Variants in DUS2 observed in about 807,000 individuals in gnomAD.
The protein encoded by DUS2 is dihydrouridine synthase 2, also known as tRNA-dihydrouridine(20) synthase [NAD(P)+]-like.
In DUS2, 52 loss-of-function variants were observed where a neutral mutation model predicts 71.3. That is an observed-to-expected ratio of 0.73 (90% CI 0.58 to 0.92). The LOEUF is 0.92. Among genes scored for constraint, DUS2 ranks in the 40% least tolerant of loss-of-function variants. The pLI, the probability that DUS2 is intolerant of heterozygous loss-of-function variation, is 0.00. For missense variants in DUS2, 558 were observed against 622.6 expected (o/e 0.90, Z 1.10); for synonymous variants, 204 against 227.8 (o/e 0.90, Z 0.94).
chr16:68,047,049 CTTTTTTTT>C (rs1305624703), intron 3 of DUS2, among the ~76,000 whole-genome samples: 1 of 72,168 alleles, frequency 1.4e-5, no homozygotes, highest in Non-Finnish European at 2.5e-5. Flanking sequence ...CATGCCCGGC[CTTTTTTTT>C]TTTTTTTTTT....
chr16:68,051,591 T>A (rs2033779821), intron 4 of DUS2, among the ~76,000 whole-genome samples: 1 of 151,998 alleles, frequency 6.6e-6, no homozygotes, highest in South Asian at 2.1e-4. Context: ...GGGGTCTTGC[T>A]ATGTTCCCCA....
intron 7 of DUS2, among the ~76,000 whole-genome samples, chr16:68,060,749 G>C (rs982431147): frequency 6.6e-6 from 1 of 152,130 alleles, no homozygotes; most frequent in African/African-American, 2.4e-5. Flanking sequence ...TCAGGATGCA[G>C]AGGAAGGAGA....
intron 1 of DUS2, among the ~76,000 whole-genome samples, chr16:68,025,072 T>G (rs2033327208): frequency 6.6e-6 from 1 of 152,136 alleles, no homozygotes; most frequent in African/African-American, 2.4e-5. Context: ...CCTCATGATT[T>G]GCCCACCTTG....
chr16:68,048,033 T>A (rs2151418123), intron 3 of DUS2, among the ~76,000 whole-genome samples: 1 of 152,236 alleles, frequency 6.6e-6, no homozygotes, highest in East Asian at 1.9e-4. Context: ...TCCTCCTGCT[T>A]TGGTTTTCTA....
intron 12 of DUS2, among the ~76,000 whole-genome samples, chr16:68,073,488 C>T (rs1467468444): frequency 2.3e-5 from 3 of 133,086 alleles, no homozygotes; most frequent in Admixed American, 1.6e-4. Flanking sequence ...TTGCTGTTGT[C>T]GCCCAGGCTG....
At chr16:68,070,850 A>T in intron 11 of DUS2, 90 bp from the exon 12 acceptor site, 2 of 1,406,534 alleles carry the variant, frequency 1.4e-6, no homozygotes, top group Non-Finnish European at 2.0e-6. Context: ...TCACATTGTT[A>T]ATCAGTGGCA....
rs2033823406 is a variant in DUS2 at position 68,054,503 on chromosome 16, C to T, written c.265-71C>T. On this transcript the variant is annotated intron_variant, in intron 5 of 16. Transcript: ENST00000565263. The stretch of plus-strand genomic sequence containing the variant: ...GGTGTGTGTGTGTATGTGTGTGCTG[C>T]ATGGGTGTGTTTGTCAGTGCATGTG... 3.9e-6 allele frequency: 6 copies of T among 1,527,966 alleles called. No homozygotes were observed. The Admixed American group carries it at 5.0e-5, about 13-fold the overall frequency. The allele number at this position is 1,527,966 out of a possible 1,614,324, so 94.7% of individuals were successfully genotyped here.
Position 68,078,856 on chromosome 16 carries a change from G to A in DUS2, c.1352G>A (p.Arg451Gln), listed in dbSNP as rs1486080979. 14 of 1,613,762 alleles carry A rather than the reference G, an allele frequency of 8.7e-6. No individual in the cohort carries two copies. Among genetic ancestry groups the A allele is most frequent in the Admixed American group, 3.3e-5 (2 of 59,996 alleles). ...GAGGAGAGCCCTTCCTTGCACAAGC[G>A]AAAGAGGGAGGCTCCTGACCAAGAC... ...LGEESPSLHK[R>Q]KREAPDQDPG... The change falls in exon 17 of 17, where the codon CGA (arginine) becomes CAA (glutamine). Residue 451 changes from arginine (R) to glutamine (Q), a missense_variant. Physicochemically the swap from Arg to Gln is conservative, Grantham distance 43. Transcript: ENST00000565263.
intron 2 of DUS2, 136 bp from the exon 3 acceptor site, chr16:68,037,870 C>A: frequency 1.1e-6 from 1 of 907,778 alleles, no homozygotes; most frequent in Non-Finnish European, 1.6e-6. Flanking sequence ...CAAAAACAAT[C>A]AAACATAAAC....
rs1034878356 is a variant in DUS2, at chr16:68,075,485, A to T, written c.1063A>T (p.Met355Leu). Residue 355 changes from methionine to leucine, a missense_variant, in exon 14 of 17, where the codon ATG (methionine) becomes TTG (leucine). By Grantham distance (15) the Met-to-Leu change is conservative. Transcript: ENST00000565263. ...PAEDTSGVIK[M>L]AVKFDRRAYP... ...TGAAGATACCTCTGGTGTCATTAAGATGGCTGTCAAGTTTGACCGGTAGGT... is the reference window on the plus strand; with the variant it reads ...TGAAGATACCTCTGGTGTCATTAAGTTGGCTGTCAAGTTTGACCGGTAGGT... 6.2e-7 allele frequency: 1 copy of T among 1,612,546 alleles called. No individual in the cohort carries two copies. Among genetic ancestry groups the T allele is most frequent in the Non-Finnish European group, 8.5e-7 (1 of 1,179,286 alleles).
At chr16:68,028,944 G>T (rs1216037312) in intron 2 of DUS2, among the ~76,000 whole-genome samples, 1 of 152,142 alleles carries the variant, frequency 6.6e-6, no homozygotes, top group Non-Finnish European at 1.5e-5. Flanking sequence ...GGTCACGCCT[G>T]ATTCCAGCAC....
intron 10 of DUS2, among the ~76,000 whole-genome samples, chr16:68,069,329 A>T (rs1436482465): frequency 6.6e-6 from 1 of 152,210 alleles, no homozygotes; most frequent in Non-Finnish European, 1.5e-5. Flanking sequence ...TGGAGGTTGC[A>T]GTGAGCCGAG....
rs148861186 is a variant in DUS2, at chr16:68,055,717, G to A, written c.309-647G>A. Among the ~76,000 whole-genome samples, 769 of 151,960 alleles carry A rather than the reference G, an allele frequency of 5.1e-3. 8 individuals carry two copies. The highest frequency in any genetic ancestry group is 0.017 in the African/African-American group (701 of 41,482). ...GACATCTTAGTAAGTGTTAGCTATCGTTATAATTACAAAGAGTGAGTGGGA... is the reference window on the plus strand; with the variant it reads ...GACATCTTAGTAAGTGTTAGCTATCATTATAATTACAAAGAGTGAGTGGGA... On this transcript the variant is annotated intron_variant, in intron 6 of 16. Transcript: ENST00000565263.
chr16:68,065,878 G>T (rs1464071363), intron 8 of DUS2, among the ~76,000 whole-genome samples: 1 of 151,516 alleles, frequency 6.6e-6, no homozygotes, highest in Non-Finnish European at 1.5e-5. Context: ...GCTGGAGTGT[G>T]TTGGGCAGAG....
intron 14 of DUS2, 44 bp from the exon 15 acceptor site, chr16:68,076,588 C>T (rs372832642): frequency 1.6e-5 from 23 of 1,460,640 alleles, no homozygotes; most frequent in South Asian, 8.0e-5. Context: ...AGGGAGGGAG[C>T]GGTGATGGTG....
chr16:68,026,227 T>C (rs2033347708), intron 2 of DUS2, among the ~76,000 whole-genome samples: 1 of 152,150 alleles, frequency 6.6e-6, no homozygotes, highest in Non-Finnish European at 1.5e-5. Context: ...CTGACCTCAG[T>C]TGATCTGCCT....
At chr16:68,027,846 G>A (rs1421215590) in intron 2 of DUS2, among the ~76,000 whole-genome samples, 3 of 151,368 alleles carry the variant, frequency 2.0e-5, no homozygotes, top group Non-Finnish European at 3.0e-5. Flanking sequence ...GAATAGGGAC[G>A]TGGCCCCTGG....
In DUS2 at chr16:68,074,014, C is replaced by A. The variant is rs1204872623; in HGVS notation, c.811-20C>A. The A allele has an allele frequency of 1.2e-6, 2 of 1,613,718 alleles. No homozygotes were observed. Among genetic ancestry groups the A allele is most frequent in the Middle Eastern group, 1.6e-4 (1 of 6,062 alleles). ...CCTTAGAGCCTGCCTGGGCATCAGG[C>A]AAGTCATTTCTTTTCTCAGGCGGTG... On this transcript the variant is annotated intron_variant, in intron 12 of 16. Transcript: ENST00000565263.
At chr16:68,073,186 C>T (rs867006855) in intron 12 of DUS2, among the ~76,000 whole-genome samples, 5 of 152,342 alleles carry the variant, frequency 3.3e-5, no homozygotes, top group South Asian at 4.1e-4. Context: ...TGTTTCTGAC[C>T]GTGGTCCTTG....
Sources: allele counts gnomAD v4.1 joint callset (sites outside exome capture counted in the v4.1 genomes callset), GRCh38; gene constraint gnomAD v4.1.1; transcripts MANE v1.5; gene names NCBI Gene and HGNC (gene_info 2026-07-23, HGNC 2026-07-21).